Variants in CEP128 observed in about 807,000 individuals in gnomAD.
CEP128 encodes the protein centrosomal protein 128kDa.
A neutral mutation model predicts 156.7 loss-of-function variants in CEP128; 132 were observed. The ratio of observed to expected loss-of-function variants is 0.84; its 90% confidence interval spans 0.73 to 0.97. The LOEUF is 0.97. Among genes scored for constraint, CEP128 ranks in the 50% least tolerant of loss-of-function variants. The pLI is 0.00. For missense variants in CEP128, 1,252 were observed against 1,281.9 expected (o/e 0.98, Z 0.36); for synonymous variants, 469 against 448.9 (o/e 1.04, Z -0.57).
At chr14:80,921,672 A>G (rs1454606424) in intron 2 of CEP128, among the ~76,000 whole-genome samples, 2 of 152,178 alleles carry the variant, frequency 1.3e-5, no homozygotes, top group South Asian at 4.1e-4. Context: ...TGTTTTTTCA[A>G]TAACAGTCCG....
intron 5 of CEP128, chr14:80,905,653 T>C (rs1171292241): frequency 7.6e-6 from 2 of 262,108 alleles, no homozygotes; most frequent in East Asian, 1.2e-4. Context: ...ACCTAAAGTG[T>C]ATCACATAGC....
intron 2 of CEP128, among the ~76,000 whole-genome samples, chr14:80,953,746 A>G (rs1886522860): frequency 6.6e-6 from 1 of 152,190 alleles, no homozygotes; most frequent in Admixed American, 6.5e-5. Flanking sequence ...CAGTTTTATT[A>G]CCCACAAAAT....
At chr14:80,773,014 T>C (rs1204696291) in intron 16 of CEP128, among the ~76,000 whole-genome samples, 1 of 152,194 alleles carries the variant, frequency 6.6e-6, no homozygotes, top group East Asian at 1.9e-4. Context: ...GGAAGCTCCA[T>C]GTACGGAGGT....
intron 14 of CEP128, among the ~76,000 whole-genome samples, chr14:80,787,907 G>A (rs1901496526): frequency 6.6e-6 from 1 of 152,170 alleles, no homozygotes. Flanking sequence ...GATGGTTCAA[G>A]AAGAATCCCT....
intron 8 of CEP128, among the ~76,000 whole-genome samples, chr14:80,880,164 G>C (rs1397273462): frequency 1.3e-5 from 2 of 151,996 alleles, no homozygotes; most frequent in Non-Finnish European, 2.9e-5. Context: ...GGCATGCAAG[G>C]CTGATTAAAC....
At chr14:80,597,030 C>G (rs1160586867) in intron 19 of CEP128, among the ~76,000 whole-genome samples, 1 of 149,502 alleles carries the variant, frequency 6.7e-6, no homozygotes, top group Admixed American at 6.7e-5. Context: ...AAACAAAAAA[C>G]CAGCAAGCAG....
At chr14:80,590,409 T>TGCTCATTA in intron 19 of CEP128, among the ~76,000 whole-genome samples, 1 of 152,104 alleles carries the variant, frequency 6.6e-6, no homozygotes, top group South Asian at 2.1e-4. Context: ...AATAATAAAA[T>TGCTCATTA]GCTCATTAGA....
chr14:80,674,152 C>G (rs1440808360), intron 19 of CEP128, among the ~76,000 whole-genome samples: 1 of 151,654 alleles, frequency 6.6e-6, no homozygotes, highest in Admixed American at 6.6e-5. Context: ...TCTGAATAAC[C>G]GGGTTCCAAT....
intron 8 of CEP128, among the ~76,000 whole-genome samples, chr14:80,875,124 A>G (rs1291257520): frequency 6.6e-6 from 1 of 152,220 alleles, no homozygotes; most frequent in Non-Finnish European, 1.5e-5. Flanking sequence ...TAAATGAGAA[A>G]AAGTGTTGAG....
Position 80,689,670 on chromosome 14 carries a change from C to G in CEP128, c.2806+53405G>C, listed in dbSNP as rs139954723. 6.3e-3 allele frequency among the ~76,000 whole-genome samples: 949 copies of G among 151,582 alleles called. 10 individuals carry two copies. The highest frequency in any genetic ancestry group is 0.022 in the African/African-American group (896 of 41,402). On this transcript the variant is annotated intron_variant, in intron 19 of 24. Coordinates refer to ENST00000555265, the MANE Select transcript of CEP128 (RefSeq NM_152446.5). Reference sequence around the variant, plus strand: ...AGAGTTTAAACAATACTGTTGTACTCTGTGTGTGTGTGTATGTGTATACAT... The same window carrying G: ...AGAGTTTAAACAATACTGTTGTACTGTGTGTGTGTGTGTATGTGTATACAT...
In CEP128 at chr14:80,635,451, T is replaced by C. The variant is rs183173600; in HGVS notation, c.2807-55028A>G. On this transcript the variant is annotated intron_variant, in intron 19 of 24. Coordinates refer to ENST00000555265, the MANE Select transcript of CEP128 (RefSeq NM_152446.5). Reference sequence around the variant, plus strand: ...TAAACAAAAAACTAGGTCCTTCTAGTGTCATCCCAGAACTGAAACATGACC... The same window carrying C: ...TAAACAAAAAACTAGGTCCTTCTAGCGTCATCCCAGAACTGAAACATGACC... Among the ~76,000 whole-genome samples the C allele has an allele frequency of 1.2e-3, 185 of 152,342 alleles. 4 individuals are homozygous for C. The Middle Eastern group carries it at 0.024, about 20-fold the overall frequency.
chr14:80,781,100 G>C (rs1901081276), intron 15 of CEP128, among the ~76,000 whole-genome samples: 1 of 152,198 alleles, frequency 6.6e-6, no homozygotes. Context: ...GATTCAGATA[G>C]AGAATGAGCA....
intron 7 of CEP128, among the ~76,000 whole-genome samples, chr14:80,897,872 G>T (rs1251261062): frequency 6.6e-6 from 1 of 152,090 alleles, no homozygotes; most frequent in Non-Finnish European, 1.5e-5. Context: ...CAACCTCCTG[G>T]GCTCAAGCAA....
chr14:80,608,527 C>T (rs540599807), intron 19 of CEP128, among the ~76,000 whole-genome samples: 15 of 152,250 alleles, frequency 9.9e-5, no homozygotes, highest in African/African-American at 3.1e-4. Context: ...TCTACATTCC[C>T]GGCAGGACCC....
chr14:80,550,493 C>T (rs963340491), intron 21 of CEP128, among the ~76,000 whole-genome samples: 2 of 151,980 alleles, frequency 1.3e-5, no homozygotes, highest in African/African-American at 4.8e-5. Flanking sequence ...CTTTAAATAA[C>T]TCAGTAATTT....
chr14:80,585,541 A>G (rs537219318), intron 19 of CEP128, among the ~76,000 whole-genome samples: 1 of 152,360 alleles, frequency 6.6e-6, no homozygotes, highest in South Asian at 2.1e-4. Context: ...TGCCTCATCC[A>G]TATTACAACT....
chr14:80,823,340 T>C (rs370781288), intron 13 of CEP128, among the ~76,000 whole-genome samples: 2 of 152,334 alleles, frequency 1.3e-5, no homozygotes, highest in African/African-American at 4.8e-5. Context: ...TTTCACTTCC[T>C]GAAAGTCAGG....
At chr14:80,953,232 C>T (rs988068398) in intron 2 of CEP128, among the ~76,000 whole-genome samples, 2 of 152,196 alleles carry the variant, frequency 1.3e-5, no homozygotes, top group East Asian at 1.9e-4. Flanking sequence ...CCCTTGTGAA[C>T]GTCTATGTAA....
chr14:80,885,709 A>C (rs1195532073), intron 8 of CEP128, among the ~76,000 whole-genome samples: 1 of 152,136 alleles, frequency 6.6e-6, no homozygotes, highest in Non-Finnish European at 1.5e-5. Context: ...CAAAAACCAG[A>C]ATGACTCTTG....
Sources: gnomAD v4.1 joint callset for allele counts (sites outside exome capture counted in the v4.1 genomes callset) on GRCh38, gnomAD v4.1.1 for gene constraint, MANE v1.5 for transcripts, NCBI Gene and HGNC (gene_info 2026-07-23, HGNC 2026-07-21) for gene names.